CHN2: variants seen among roughly 807,000 people sequenced by gnomAD.
CHN2 encodes chimerin 2.
In CHN2, 35 loss-of-function variants were observed where a neutral mutation model predicts 56.3. The ratio of observed to expected loss-of-function variants is 0.62; its 90% CI spans 0.47 to 0.82. The LOEUF is 0.82. CHN2 is among the 40% of genes least tolerant of loss of function. The pLI is 0.00. For missense variants in CHN2, 491 were observed against 580.5 expected, an observed-to-expected ratio of 0.85 and a Z score of 1.58; for synonymous variants, 210 against 212.8, an observed-to-expected ratio of 0.99 and a Z score of 0.12.
intron 6 of CHN2, among the ~76,000 whole-genome samples, chr7:29,468,042 G>T (rs1785682474): frequency 6.6e-6 from 1 of 151,702 alleles, no homozygotes; most frequent in South Asian, 2.1e-4. Context: ...TAACATGTCG[G>T]GGAGTAGGAG....
chr7:29,282,257 T>G (rs966776688), intron 1 of CHN2, among the ~76,000 whole-genome samples: 6 of 152,208 alleles, frequency 3.9e-5, no homozygotes, highest in Admixed American at 3.3e-4. Flanking sequence ...TCAGTTCAGT[T>G]CAACAGATTG....
chr7:29,297,580 G>T (rs948843466), intron 1 of CHN2, among the ~76,000 whole-genome samples: 1 of 152,176 alleles, frequency 6.6e-6, no homozygotes, highest in African/African-American at 2.4e-5. Context: ...AAACAAGGTG[G>T]GGGGAGGGTA....
chr7:29,473,371 C>T (rs776820592), intron 6 of CHN2, among the ~76,000 whole-genome samples: 1 of 151,856 alleles, frequency 6.6e-6, no homozygotes, highest in South Asian at 2.1e-4. Context: ...TTACAATCCC[C>T]TGGAGGATTT....
chr7:29,498,150 AT>A (rs1315750301), intron 8 of CHN2, among the ~76,000 whole-genome samples: 2 of 152,226 alleles, frequency 1.3e-5, no homozygotes, highest in Non-Finnish European at 2.9e-5. Flanking sequence ...ATATACTTAC[AT>A]TTTTTTATCA....
intron 1 of CHN2, among the ~76,000 whole-genome samples, chr7:29,206,662 A>G (rs1310137573): frequency 6.6e-6 from 1 of 152,124 alleles, no homozygotes; most frequent in East Asian, 1.9e-4. Flanking sequence ...CTGAATCAGG[A>G]CTTTTTACCT....
At chr7:29,347,393 T>G (rs1023859344) in intron 1 of CHN2, among the ~76,000 whole-genome samples, 2 of 152,068 alleles carry the variant, frequency 1.3e-5, no homozygotes, top group East Asian at 1.9e-4. Context: ...GACTGGGTAA[T>G]TTATAAAGGA....
At chr7:29,146,817 C>T in intron 1 of CHN2, 1 of 1,550,472 alleles carries the variant, frequency 6.4e-7, no homozygotes, top group Non-Finnish European at 8.7e-7. Context: ...AAAATTTCAA[C>T]CCTGTATTTT....
At chr7:29,460,203 A>G (rs1785055883) in intron 6 of CHN2, among the ~76,000 whole-genome samples, 1 of 152,164 alleles carries the variant, frequency 6.6e-6, no homozygotes, top group South Asian at 2.1e-4. Flanking sequence ...AAATTAGGGA[A>G]CCACTGCATT....
At chr7:29,358,947 C>T (rs1251006108) in intron 2 of CHN2, among the ~76,000 whole-genome samples, 2 of 152,188 alleles carry the variant, frequency 1.3e-5, no homozygotes, top group Admixed American at 6.5e-5. Context: ...TTTCTTGGCT[C>T]CGCTTTCCTA....
At chr7:29,266,669 C>T (rs895265906) in intron 1 of CHN2, among the ~76,000 whole-genome samples, 1 of 152,158 alleles carries the variant, frequency 6.6e-6, no homozygotes, top group Non-Finnish European at 1.5e-5. Context: ...TATGATTTAC[C>T]CAGGGTCATC....
chr7:29,349,115 A>G (rs1383706410), intron 1 of CHN2, among the ~76,000 whole-genome samples: 3 of 152,210 alleles, frequency 2.0e-5, no homozygotes, highest in Non-Finnish European at 4.4e-5. Flanking sequence ...TACACATTGT[A>G]TGTTATTTTT....
intron 1 of CHN2, chr7:29,199,997 G>C (rs1252079863): frequency 6.6e-6 from 1 of 152,520 alleles, no homozygotes; most frequent in Non-Finnish European, 1.5e-5. Context: ...GCCATCTGCT[G>C]CTCGGCAGGG....
rs955229231 is a variant in CHN2 at position 29,327,245 on chromosome 7, A to G, written c.50-27380A>G. 3.6e-4 allele frequency among the ~76,000 whole-genome samples: 55 copies of G among 152,200 alleles called. 1 individual carries two copies. Among genetic ancestry groups the G allele is most frequent in the Admixed American group, 2.8e-3 (43 of 15,280 alleles). ...GAAGTGAGCTCCCCAGACCACTGAC[A>G]TAAGCATCCCTTGGGAACTTTTTAA... is the stretch of plus-strand genomic sequence containing the variant. On this transcript the variant is annotated intron_variant, in intron 1 of 12. Transcript: ENST00000222792.
At chr7:29,360,290 G>A (rs1350070188) in intron 2 of CHN2, among the ~76,000 whole-genome samples, 1 of 152,204 alleles carries the variant, frequency 6.6e-6, no homozygotes, top group African/African-American at 2.4e-5. Context: ...GGGAGGCCGA[G>A]GCAGGCAGAT....
chr7:29,271,850 A>G (rs1389149817), intron 1 of CHN2, among the ~76,000 whole-genome samples: 1 of 152,138 alleles, frequency 6.6e-6, no homozygotes, highest in Admixed American at 6.5e-5. Context: ...CCTGGAGGGC[A>G]GCGGGGGAGC....
upstream of CHN2, chr7:29,193,209 A>T (rs937872776): frequency 6.6e-6 from 1 of 151,140 alleles, no homozygotes; most frequent in Non-Finnish European, 1.5e-5. Flanking sequence ...GTGTATTTTT[A>T]AAAAATGGAC....
chr7:29,504,680 GT>G, intron 9 of CHN2, 63 bp from the exon 10 acceptor site: 1 of 908,228 alleles, frequency 1.1e-6, no homozygotes, highest in Non-Finnish European at 1.7e-6. Flanking sequence ...CGTGAAATTA[GT>G]CTTTTTTTTT....
chr7:29,287,770 A>G lies in CHN2; in HGVS notation c.50-66855A>G, dbSNP rs9942611. Among the ~76,000 whole-genome samples the G allele has an allele frequency of 5.1e-3, 782 of 152,298 alleles. 9 individuals carry two copies. The highest frequency in any genetic ancestry group is 0.017 in the African/African-American group (723 of 41,562). On this transcript the variant is annotated intron_variant, in intron 1 of 12. Transcript: ENST00000222792. ...AAATCAAATTCATATTCAGGTTTAA[A>G]TTTTGTCTTCCTTAATGACCCTAAG...
At chr7:29,164,347 C>T (rs905813634) in intron 2 of CHN2, among the ~76,000 whole-genome samples, 24 of 152,038 alleles carry the variant, frequency 1.6e-4, no homozygotes, top group African/African-American at 5.1e-4. Flanking sequence ...GGTTGTTTCT[C>T]TTCTTATTAA....
Sources: gnomAD v4.1 joint callset for allele counts (sites outside exome capture counted in the v4.1 genomes callset) on GRCh38, gnomAD v4.1.1 for gene constraint, MANE v1.5 for transcripts, NCBI Gene and HGNC (gene_info 2026-07-23, HGNC 2026-07-21) for gene names.